Variants in TMCC1 observed in about 807,000 individuals in gnomAD.
TMCC1 encodes the protein transmembrane and coiled-coil domains protein 1.
In TMCC1, 15 loss-of-function variants were observed where a neutral mutation model predicts 52.4. That is an observed-to-expected ratio of 0.29 (90% CI 0.19 to 0.44). The LOEUF (loss-of-function observed/expected upper bound fraction) is 0.44, where lower values mean the gene tolerates loss of function less well. Ranked by LOEUF, TMCC1 falls within the 20% of genes least tolerant of loss-of-function variation. The probability of loss-of-function intolerance (pLI) is 1.00; values close to 1 mark genes in which losing one functional copy is unlikely to be tolerated. For synonymous variants in TMCC1, 279 were observed against 301.9 expected (o/e 0.92, Z 0.79); for missense variants, 503 against 806.0 (o/e 0.62, Z 4.55).
At chr3:129,816,820 T>C (rs1210446500) in intron 4 of TMCC1, among the ~76,000 whole-genome samples, 1 of 151,958 alleles carries the variant, frequency 6.6e-6, no homozygotes, top group East Asian at 1.9e-4. Flanking sequence ...GCCCAGGAGT[T>C]TGAGATCAGC....
intron 2 of TMCC1, among the ~76,000 whole-genome samples, chr3:129,866,308 C>CATATATTATAGATACATATATACATAAT (rs2060635809): frequency 7.5e-6 from 1 of 133,760 alleles, no homozygotes; most frequent in Non-Finnish European, 1.5e-5. Flanking sequence ...ATAATATATA[C>CATATATTATAGATACATATATACATAAT]ATATATTATA....
At chr3:129,809,020 C>T (rs182370366) in intron 4 of TMCC1, among the ~76,000 whole-genome samples, 39 of 150,434 alleles carry the variant, frequency 2.6e-4, no homozygotes, top group Admixed American at 1.9e-3. Flanking sequence ...TCCCAGATCA[C>T]GAGGTCAGGA....
At chr3:129,804,343 T>C (rs1419660374) in intron 4 of TMCC1, among the ~76,000 whole-genome samples, 1 of 152,226 alleles carries the variant, frequency 6.6e-6, no homozygotes, top group African/African-American at 2.4e-5. Flanking sequence ...TTTTGTGCTA[T>C]TCTTTGAGTG....
chr3:129,806,188 C>T (rs918728488), intron 4 of TMCC1, among the ~76,000 whole-genome samples: 5 of 152,062 alleles, frequency 3.3e-5, no homozygotes, highest in African/African-American at 7.2e-5. Context: ...ATGGATTAAA[C>T]GCGGAGGGTT....
chr3:129,670,688 T>C lies in TMCC1; in HGVS notation c.1153A>G (p.Asn385Asp). ...LIRNKFGSAD[N>D]IPNLKDSLEE... is the part of the protein sequence containing the mutation. ...AAAGAGTCCTTCAGGTTGGGGATGT[T>C]GTCTGCACTGCCAAATTTGTTCCGA... is the stretch of plus-strand genomic sequence containing the variant. The change falls in exon 5 of 7, where the codon AAC becomes GAC. Residue 385 changes from asparagine (N) to aspartate (D), a missense_variant. This residue lies in a region of TMCC1 where 73 missense variants were observed against 182.9 expected (regional missense o/e 0.40). Transcript: ENST00000393238. 1 of 1,614,218 alleles carries C rather than the reference T, an allele frequency of 6.2e-7. No individual in the cohort carries two copies. Among genetic ancestry groups the C allele is most frequent in the Non-Finnish European group, 8.5e-7 (1 of 1,180,030 alleles).
chr3:129,837,496 C>T (rs916835592), intron 2 of TMCC1, among the ~76,000 whole-genome samples: 1 of 152,138 alleles, frequency 6.6e-6, no homozygotes, highest in African/African-American at 2.4e-5. Flanking sequence ...CAGCCCAATG[C>T]CTGAACAGAT....
intron 4 of TMCC1, among the ~76,000 whole-genome samples, chr3:129,681,111 A>G (rs2088937352): frequency 6.6e-6 from 1 of 152,134 alleles, no homozygotes; most frequent in African/African-American, 2.4e-5. Flanking sequence ...TTGTTTTAAT[A>G]TGTAAAATGT....
At chr3:129,708,004 G>A (rs1432832390) in intron 4 of TMCC1, among the ~76,000 whole-genome samples, 1 of 110,284 alleles carries the variant, frequency 9.1e-6, no homozygotes. Context: ...AAGCACTAAG[G>A]TAGAGGATGA....
chr3:129,892,733 C>T (rs2062028142), intron 1 of TMCC1: 1 of 152,188 alleles, frequency 6.6e-6, no homozygotes, highest in African/African-American at 2.4e-5. Context: ...CTGGGGATTC[C>T]TCACCAAGAA....
At position 129,816,895 on chromosome 3, in the gene TMCC1, G is replaced by A. The variant is rs201266223; in HGVS notation, c.576+10908C>T. ...AAATAAAAAATAAGCCAGGTGTGAC[G>A]GTGCACACCTGTAGTCCCAGCTACT... On this transcript the variant is annotated intron_variant, in intron 4 of 6. Coordinates refer to ENST00000393238, the MANE Select transcript of TMCC1 (RefSeq NM_001017395.5). 1.8e-4 allele frequency among the ~76,000 whole-genome samples: 28 copies of A among 152,110 alleles called. No homozygotes were observed. The East Asian group carries it at 4.3e-3, about 23-fold the overall frequency.
At chr3:129,660,422 G>A (rs538554541) in intron 5 of TMCC1, among the ~76,000 whole-genome samples, 17 of 152,098 alleles carry the variant, frequency 1.1e-4, no homozygotes, top group African/African-American at 4.1e-4. Flanking sequence ...CAAAGTGCTG[G>A]GATTACAGGC....
At chr3:129,783,274 G>T (rs188480097) in intron 4 of TMCC1, among the ~76,000 whole-genome samples, 154 of 152,242 alleles carry the variant, frequency 1.0e-3, no homozygotes, top group African/African-American at 2.8e-3. Context: ...TCATTGAATA[G>T]AAACGGGAAA....
At position 129,861,848 on chromosome 3, in the gene TMCC1, TC is replaced by T. The variant is rs202044521; in HGVS notation, c.-184+18460del. Reference sequence around the variant, plus strand: ...TTAAACATAAAAGAGTTACCATATTTCCTAGCAATTCCATTTCTAGGCATAT... The same window carrying T: ...TTAAACATAAAAGAGTTACCATATTTCTAGCAATTCCATTTCTAGGCATAT... On this transcript the variant is annotated intron_variant, in intron 2 of 6. Transcript: ENST00000393238. 7.9e-5 allele frequency among the ~76,000 whole-genome samples: 12 copies of T among 152,322 alleles called. No individual in the cohort carries two copies. The East Asian group carries it at 2.3e-3, about 29-fold the overall frequency.
At chr3:129,876,511 G>A (rs970075980) in intron 2 of TMCC1, among the ~76,000 whole-genome samples, 2 of 151,820 alleles carry the variant, frequency 1.3e-5, no homozygotes, top group African/African-American at 4.8e-5. Context: ...AAAAATAAAG[G>A]AGCCAGGTTC....
At chr3:129,853,332 A>C (rs2059999308) in intron 2 of TMCC1, among the ~76,000 whole-genome samples, 1 of 152,194 alleles carries the variant, frequency 6.6e-6, no homozygotes, top group South Asian at 2.1e-4. Flanking sequence ...CTTGTATCTT[A>C]AGAATAAAAT....
Position 129,651,366 on chromosome 3 carries a change from A to G in TMCC1, c.*115T>C. On this transcript the variant is annotated 3_prime_UTR_variant, in exon 7 of 7. Transcript: ENST00000393238. The surrounding 1 kb of genome is among the most constrained non-coding windows in gnomAD (Gnocchi z 5.1). The stretch of plus-strand genomic sequence containing the variant: ...AAAAAACATTATTCTAAATGTAAAC[A>G]GATTCACTCAACTCTTTTTTTGTTG... 9.0e-7 allele frequency: 1 copy of G among 1,113,786 alleles called. No homozygotes were observed. Among genetic ancestry groups the G allele is most frequent in the Non-Finnish European group, 1.3e-6 (1 of 778,228 alleles). 69.0% of individuals were successfully genotyped at this position (1,113,786 alleles called of 1,614,324 possible). A position where few individuals can be genotyped will look rare whatever the true frequency, so the allele number is the denominator to read the frequency against.
intron 2 of TMCC1, among the ~76,000 whole-genome samples, chr3:129,840,569 T>C (rs2059379025): frequency 6.6e-6 from 1 of 152,104 alleles, no homozygotes; most frequent in Non-Finnish European, 1.5e-5. Flanking sequence ...CCAAATCTCA[T>C]CTTGAATTGT....
rs554788588 is a variant in TMCC1 at position 129,858,193 on chromosome 3, A to G, written c.-184+22116T>C. On this transcript the variant is annotated intron_variant, in intron 2 of 6. Coordinates refer to ENST00000393238, the MANE Select transcript of TMCC1 (RefSeq NM_001017395.5). ...AAAACTGGAACTTACACTCTTGACTATTCTACCACATGTGTCCCTCTAAAT... is the reference window on the plus strand; with the variant it reads ...AAAACTGGAACTTACACTCTTGACTGTTCTACCACATGTGTCCCTCTAAAT... Among the ~76,000 whole-genome samples, 3 of 152,324 alleles carry G rather than the reference A, an allele frequency of 2.0e-5. No individual in the cohort carries two copies. The South Asian group carries it at 6.2e-4, about 32-fold the overall frequency.
chr3:129,822,921 A>T (rs776877457), intron 4 of TMCC1, among the ~76,000 whole-genome samples: 7 of 152,202 alleles, frequency 4.6e-5, no homozygotes, highest in Non-Finnish European at 7.3e-5. Context: ...AGACTTTTGA[A>T]TTCTTAGCTT....
Sources: allele counts gnomAD v4.1 joint callset (sites outside exome capture counted in the v4.1 genomes callset), GRCh38; gene constraint gnomAD v4.1.1; regional missense constraint gnomAD v4.1.1; non-coding constraint Gnocchi (gnomAD v3.1); transcripts MANE v1.5; gene names NCBI Gene and HGNC (gene_info 2026-07-23, HGNC 2026-07-21).